Variants in PTPRJ observed in about 807,000 individuals in gnomAD.
The protein encoded by PTPRJ is receptor-type tyrosine-protein phosphatase eta.
A neutral mutation model predicts 141.3 loss-of-function variants in PTPRJ; 129 were observed. The observed-to-expected ratio is 0.91, with a 90% CI of 0.79 to 1.06. The LOEUF (loss-of-function observed/expected upper bound fraction) is 1.06, where lower values mean the gene tolerates loss of function less well. Among genes scored for constraint, PTPRJ ranks in the 50% least tolerant of loss-of-function variants. The pLI is 0.00. For synonymous variants in PTPRJ, 610 were observed against 640.5 expected (o/e 0.95, Z 0.72); for missense variants, 1,601 against 1,679.7 (o/e 0.95, Z 0.82).
At chr11:48,041,306 T>A (rs575990816) in intron 1 of PTPRJ, among the ~76,000 whole-genome samples, 1 of 152,368 alleles carries the variant, frequency 6.6e-6, no homozygotes, top group African/African-American at 2.4e-5. Flanking sequence ...TGAGCGTTTC[T>A]GTTCCTTGAC....
intron 4 of PTPRJ, among the ~76,000 whole-genome samples, chr11:48,122,110 G>C (rs1385731469): frequency 1.3e-5 from 2 of 152,140 alleles, no homozygotes; most frequent in East Asian, 3.8e-4. Flanking sequence ...TAAAAAACTG[G>C]AGAGAAAAGA....
At position 48,136,209 on chromosome 11, in the gene PTPRJ, C is replaced by G; in HGVS notation, c.1786C>G (p.Leu596Val). ...TGACAAAGCGATTACTCTCCAGGGC[C>G]TGATTCCGGGCACCTTATATAACAT... ...TYDKAITLQGLIPGTLYNITI... is the reference protein window; with the variant it reads ...TYDKAITLQGVIPGTLYNITI... The change falls in exon 9 of 25, where the codon CTG becomes GTG. Residue 596 changes from leucine to valine, a missense_variant. Transcript: ENST00000418331. 1 of 1,614,242 alleles carries G rather than the reference C, an allele frequency of 6.2e-7. No individual in the cohort carries two copies. Among genetic ancestry groups the G allele is most frequent in the Non-Finnish European group, 8.5e-7 (1 of 1,180,048 alleles).
At chr11:48,117,792 GT>G (rs139100338) in intron 3 of PTPRJ, among the ~76,000 whole-genome samples, 3 of 151,660 alleles carry the variant, frequency 2.0e-5, no homozygotes, top group African/African-American at 4.8e-5. Flanking sequence ...AAACTAAGTT[GT>G]TTTTTTGAAA....
chr11:47,984,561 G>GT (rs1187959634), intron 1 of PTPRJ, among the ~76,000 whole-genome samples: 1 of 150,650 alleles, frequency 6.6e-6, no homozygotes, highest in African/African-American at 2.5e-5. Flanking sequence ...TTGTTTATTT[G>GT]TTTGTTTTTT....
intron 4 of PTPRJ, among the ~76,000 whole-genome samples, chr11:48,123,170 TA>T (rs1384582106): frequency 6.6e-6 from 1 of 152,244 alleles, no homozygotes; most frequent in Non-Finnish European, 1.5e-5. Flanking sequence ...CTTGGTAATT[TA>T]AAATGATATT....
intron 9 of PTPRJ, 33 bp downstream of exon 9, chr11:48,136,329 G>T: frequency 1.2e-6 from 2 of 1,602,274 alleles, no homozygotes; most frequent in Non-Finnish European, 1.7e-6. Context: ...CTAAGGAACA[G>T]CCTCTCTAAC....
intron 1 of PTPRJ, among the ~76,000 whole-genome samples, chr11:48,073,354 C>G (rs1424095139): frequency 6.6e-6 from 1 of 152,234 alleles, no homozygotes; most frequent in African/African-American, 2.4e-5. Context: ...TGATGGTGAC[C>G]TTGTTTAGCA....
chr11:48,155,269 T>G (rs572302273), intron 19 of PTPRJ, among the ~76,000 whole-genome samples: 1 of 152,330 alleles, frequency 6.6e-6, no homozygotes, highest in Non-Finnish European at 1.5e-5. Context: ...GTAGAATGGT[T>G]AACCTAGGGA....
intron 19 of PTPRJ, 101 bp downstream of exon 19, chr11:48,153,987 C>A (rs994528240): frequency 7.4e-6 from 6 of 807,576 alleles, no homozygotes; most frequent in South Asian, 1.4e-5. Context: ...GTAACCACTT[C>A]CACAACCATT....
At chr11:48,132,356 C>A in intron 8 of PTPRJ, 1 of 974,424 alleles carries the variant, frequency 1.0e-6, no homozygotes, top group Non-Finnish European at 1.2e-6. Context: ...GCCTGGGAGA[C>A]CCTGTCTCAA....
intron 1 of PTPRJ, among the ~76,000 whole-genome samples, chr11:48,052,886 A>C (rs1439571996): frequency 2.0e-5 from 3 of 151,458 alleles, no homozygotes; most frequent in Non-Finnish European, 4.4e-5. Flanking sequence ...CTCACTATGC[A>C]GTACGTGGGC....
chr11:48,121,143 G>T lies in PTPRJ; in HGVS notation c.493G>T (p.Val165Phe), dbSNP rs1205126512. ...GATGGAAAATGAGAAGACAATTACT[G>T]TTGTGCATCAACCATGGTGTAACAT... The part of the protein sequence containing the change: ...HKMENEKTIT[V>F]VHQPWCNITG... The change falls in exon 4 of 25, where the codon GTT becomes TTT. Residue 165 changes from valine (V) to phenylalanine (F), a missense_variant. Coordinates refer to ENST00000418331, the MANE Select transcript of PTPRJ (RefSeq NM_002843.4). 9 of 1,614,032 alleles carry T rather than the reference G, an allele frequency of 5.6e-6. No individual in the cohort carries two copies. Among genetic ancestry groups the T allele is most frequent in the African/African-American group, 1.3e-5 (1 of 74,922 alleles).
At chr11:48,102,817 G>A (rs1187966522) in intron 1 of PTPRJ, among the ~76,000 whole-genome samples, 2 of 152,126 alleles carry the variant, frequency 1.3e-5, no homozygotes, top group Non-Finnish European at 2.9e-5. Context: ...CCTCAATTTA[G>A]GACCCCCAGA....
Position 48,007,250 on chromosome 11 carries a change from G to A in PTPRJ, c.96+26242G>A, listed in dbSNP as rs1216736421. On this transcript the variant is annotated intron_variant, in intron 1 of 24. Coordinates refer to ENST00000418331, the MANE Select transcript of PTPRJ (RefSeq NM_002843.4). ...CGAGTAGCTGGGACTACAGGTGCCT[G>A]CCACCACGCCCGGCTAATTTTTTGT... Among the ~76,000 whole-genome samples, 17 of 149,982 alleles carry A rather than the reference G, an allele frequency of 1.1e-4. No homozygotes were observed. The East Asian group carries it at 2.9e-3, about 26-fold the overall frequency.
At chr11:48,030,564 G>A (rs918452988) in intron 1 of PTPRJ, among the ~76,000 whole-genome samples, 5 of 152,082 alleles carry the variant, frequency 3.3e-5, no homozygotes, top group African/African-American at 9.7e-5. Context: ...CCAGCATGGC[G>A]AAACACCATC....
At chr11:48,160,212 A>G (rs1315144246) in intron 22 of PTPRJ, among the ~76,000 whole-genome samples, 163 bp downstream of exon 22, 3 of 152,226 alleles carry the variant, frequency 2.0e-5, no homozygotes, top group African/African-American at 7.2e-5. Flanking sequence ...TGTATACTCC[A>G]AGGCAACCCC....
At position 48,120,983 on chromosome 11, in the gene PTPRJ, T is replaced by TA. The variant is rs932988880; in HGVS notation, c.353-20_353-19insA. 2 of 1,515,564 alleles carry TA rather than the reference T, an allele frequency of 1.3e-6. No individual in the cohort carries two copies. The highest frequency in any genetic ancestry group is 2.8e-5 in the African/African-American group (2 of 70,638). 93.9% of individuals were successfully genotyped at this position (1,515,564 alleles called of 1,614,324 possible). On this transcript the variant is annotated intron_variant, in intron 3 of 24. Coordinates refer to ENST00000418331, the MANE Select transcript of PTPRJ (RefSeq NM_002843.4). ...TCTTTTTGAAGTGCAATAATTTTTT[T>TA]TTTTTTTTTAACAATATAGGGCCCA...
At chr11:48,143,096 T>G in intron 12 of PTPRJ, 46 bp downstream of exon 12, 1 of 1,604,144 alleles carries the variant, frequency 6.2e-7, no homozygotes, top group Non-Finnish European at 8.5e-7. Context: ...AGTGATGCAG[T>G]GACCAGAGCT....
intron 1 of PTPRJ, among the ~76,000 whole-genome samples, chr11:48,072,604 C>A (rs1262420608): frequency 6.6e-6 from 1 of 152,112 alleles, no homozygotes; most frequent in Non-Finnish European, 1.5e-5. Context: ...ATAGAGATAG[C>A]AATATATATC....
Sources: gnomAD v4.1 joint callset for allele counts (sites outside exome capture counted in the v4.1 genomes callset) on GRCh38, gnomAD v4.1.1 for gene constraint, MANE v1.5 for transcripts, NCBI Gene and HGNC (gene_info 2026-07-23, HGNC 2026-07-21) for gene names.